The following GFPT2 variants were observed in gnomAD, a reference collection of about 807,000 sequenced individuals.
GFPT2 encodes glutamine--fructose-6-phosphate aminotransferase [isomerizing] 2.
GFPT2 carries 62 observed loss-of-function variants against 85.6 expected under a neutral mutation model. The observed-to-expected ratio is 0.72, with a 90% CI of 0.59 to 0.90. The LOEUF is 0.90. Ranked by LOEUF, GFPT2 falls within the 40% of genes least tolerant of loss-of-function variation. The probability of loss-of-function intolerance (pLI) is 0.00; values close to 1 mark genes in which losing one functional copy is unlikely to be tolerated. For missense variants in GFPT2, 788 were observed against 893.4 expected, an observed-to-expected ratio of 0.88 and a Z score of 1.50; for synonymous variants, 368 against 344.5, an observed-to-expected ratio of 1.07 and a Z score of -0.75.
Position 180,316,879 on chromosome 5 carries a change from A to G in GFPT2, c.1055-18T>C. On this transcript the variant is annotated intron_variant, in intron 11 of 18. Coordinates refer to ENST00000253778, the MANE Select transcript of GFPT2 (RefSeq NM_005110.4). ...CAGGAGCACTGCAGGGCACACGACA[A>G]GGCGTTAATGCTGAGTCTACACAGT... 1.9e-6 allele frequency: 3 copies of G among 1,598,262 alleles called. No homozygotes were observed. Among genetic ancestry groups the G allele is most frequent in the South Asian group, 2.2e-5 (2 of 90,780 alleles).
chr5:180,345,736 T>A lies in GFPT2; in HGVS notation c.8-7136A>T, dbSNP rs1473553002. Among the ~76,000 whole-genome samples the A allele has an allele frequency of 2.0e-5, 3 of 152,182 alleles. No homozygotes were observed. In the South Asian group the frequency reaches 6.2e-4, roughly 32 times the overall value. On this transcript the variant is annotated intron_variant, in intron 1 of 18. Transcript: ENST00000253778. ...ATCTTAGGTGCTCAATAAATCCATG[T>A]TGAGTGAATGAATGAACAGATGGAG...
chr5:180,302,567 C>T lies in GFPT2; in HGVS notation c.1860G>A (p.Leu620=), dbSNP rs753595969. 9 of 1,613,802 alleles carry T rather than the reference C, an allele frequency of 5.6e-6. No homozygotes were observed. Among genetic ancestry groups the T allele is most frequent in the South Asian group, 4.4e-5 (4 of 91,060 alleles). ...AACTTTCAGTATCGTCCTTGGAGCA[C>T]AGTATAATGGGGCGACCCTAGAGCA... ...VTARQGRPII[L]CSKDDTESSK... is the part of the protein sequence containing the mutation. The change falls in exon 18 of 19, where the codon CTG becomes CTA. Residue 620 remains leucine (L), a synonymous_variant. Coordinates refer to ENST00000253778, the MANE Select transcript of GFPT2 (RefSeq NM_005110.4).
chr5:180,344,170 A>C (rs1764567726), intron 1 of GFPT2, among the ~76,000 whole-genome samples: 1 of 152,198 alleles, frequency 6.6e-6, no homozygotes, highest in Admixed American at 6.5e-5. Context: ...TAAATCTCCA[A>C]GATGTGTCAA....
At chr5:180,337,304 T>G (rs1764420605) in intron 2 of GFPT2, among the ~76,000 whole-genome samples, 1 of 151,820 alleles carries the variant, frequency 6.6e-6, no homozygotes, top group Non-Finnish European at 1.5e-5. Context: ...AGTACAAAAA[T>G]TAGCAGGGTG....
chr5:180,336,934 C>T (rs367952822), intron 2 of GFPT2, among the ~76,000 whole-genome samples: 1 of 152,396 alleles, frequency 6.6e-6, no homozygotes, highest in African/African-American at 2.4e-5. Flanking sequence ...TGTGATATTT[C>T]GTTGGTATCT....
rs1763665651 is a variant in GFPT2, at chr5:180,301,194, ATAACT to A, written c.*365_*369del. On this transcript the variant is annotated 3_prime_UTR_variant, in exon 19 of 19. Coordinates refer to ENST00000253778, the MANE Select transcript of GFPT2 (RefSeq NM_005110.4). ...CTACAGAAAGCCACATACTAGAAAAATAACTTAAAAGCTATACAGTCGTCATTATA... is the reference window on the plus strand; with the variant it reads ...CTACAGAAAGCCACATACTAGAAAAATAAAAGCTATACAGTCGTCATTATA... The A allele has an allele frequency of 1.9e-5, 5 of 258,884 alleles. No homozygotes were observed. Among genetic ancestry groups the A allele is most frequent in the African/African-American group, 4.4e-5 (2 of 45,280 alleles). The allele number at this position is 258,884 out of a possible 1,614,324, so 16.0% of individuals were successfully genotyped here.
In GFPT2 at chr5:180,338,620, T is replaced by C; in HGVS notation, c.8-20A>G. ...AGATTCCTGTTCAAAGAGAAAAAAATGGTGCATTCATAAAATACTCAGCTC... is the reference window on the plus strand; with the variant it reads ...AGATTCCTGTTCAAAGAGAAAAAAACGGTGCATTCATAAAATACTCAGCTC... On this transcript the variant is annotated intron_variant, in intron 1 of 18. Transcript: ENST00000253778. The C allele has an allele frequency of 1.4e-6, 2 of 1,407,708 alleles. No homozygotes were observed. The highest frequency in any genetic ancestry group is 2.0e-6 in the Non-Finnish European group (2 of 994,426). The allele number at this position is 1,407,708 out of a possible 1,614,324, so 87.2% of individuals were successfully genotyped here.
At chr5:180,313,358 G>T (rs943951701) in intron 14 of GFPT2, among the ~76,000 whole-genome samples, 2 of 151,346 alleles carry the variant, frequency 1.3e-5, no homozygotes, top group African/African-American at 4.8e-5. Context: ...TTGGGAGGCC[G>T]AGGCGGGCGG....
chr5:180,328,408 G>A lies in GFPT2; in HGVS notation c.535-70C>T, dbSNP rs2127653284. On this transcript the variant is annotated intron_variant, in intron 6 of 18. Coordinates refer to ENST00000253778, the MANE Select transcript of GFPT2 (RefSeq NM_005110.4). This position sits in a 1 kb window ranked among gnomAD's most constrained non-coding sequence, Gnocchi z 5.4. The stretch of plus-strand genomic sequence containing the variant: ...CTGCTGCAGCCTGGCCACAGCCCAG[G>A]TGCGTCTCCCTGGGCCCCTCCTGAT... 8.0e-7 allele frequency: 1 copy of A among 1,257,254 alleles called. No homozygotes were observed. The highest frequency in any genetic ancestry group is 1.2e-5 in the South Asian group (1 of 83,924). 77.9% of individuals were successfully genotyped at this position (1,257,254 alleles called of 1,614,324 possible).
Position 180,323,281 on chromosome 5 carries a change from C to A in GFPT2, c.794+907G>T. Among the ~76,000 whole-genome samples the A allele has an allele frequency of 6.6e-6, 1 of 152,302 alleles. No individual in the cohort carries two copies. The highest frequency in any genetic ancestry group is 1.9e-4 in the East Asian group (1 of 5,180). On this transcript the variant is annotated intron_variant, in intron 9 of 18. Coordinates refer to ENST00000253778, the MANE Select transcript of GFPT2 (RefSeq NM_005110.4). This position sits in a 1 kb window ranked among gnomAD's most constrained non-coding sequence, Gnocchi z 4.0. ...TTGGGAAGCGCTGCCTTGACCTCAG[C>A]GTTAAGTATGATGCTGGCTGTGCGT...
chr5:180,302,324 T>A (rs1763691754), intron 18 of GFPT2, 99 bp downstream of exon 18: 2 of 831,340 alleles, frequency 2.4e-6, no homozygotes, highest in Admixed American at 2.6e-5. Context: ...AATAAAATTA[T>A]TTACTCTATG....
chr5:180,312,537 G>A lies in GFPT2; in HGVS notation c.1439C>T (p.Thr480Ile). ...CATCACCAGAGAGATGAACTGACTG[G>A]TATAAGCCTGTGCACAAAGAAGGAG... ...EIGVASTKAYTSQFISLVMFG... is the reference protein window; with the variant it reads ...EIGVASTKAYISQFISLVMFG... The change falls in exon 15 of 19, where the codon ACC becomes ATC. Residue 480 changes from threonine to isoleucine, a missense_variant. Physicochemically the swap from Thr to Ile is moderately conservative, Grantham distance 89 (BLOSUM62 -1). Coordinates refer to ENST00000253778, the MANE Select transcript of GFPT2 (RefSeq NM_005110.4). 1 of 1,553,098 alleles carries A rather than the reference G, an allele frequency of 6.4e-7. No homozygotes were observed. The highest frequency in any genetic ancestry group is 8.9e-7 in the Non-Finnish European group (1 of 1,124,614).
At chr5:180,304,530 C>T (rs1294926903) in intron 17 of GFPT2, among the ~76,000 whole-genome samples, 2 of 152,266 alleles carry the variant, frequency 1.3e-5, no homozygotes, top group Admixed American at 1.3e-4. Context: ...AGGCTAGGAT[C>T]TGGTGCTGCT....
At chr5:180,343,688 AAC>A (rs1425721520) in intron 1 of GFPT2, among the ~76,000 whole-genome samples, 3 of 152,262 alleles carry the variant, frequency 2.0e-5, no homozygotes, top group African/African-American at 4.8e-5. Context: ...TTAAAAATAA[AAC>A]ACAGAATAAA....
intron 9 of GFPT2, among the ~76,000 whole-genome samples, chr5:180,321,383 C>A (rs535538014): frequency 6.6e-6 from 1 of 152,314 alleles, no homozygotes; most frequent in African/African-American, 2.4e-5. Flanking sequence ...GTCATGTAAT[C>A]TAGTCATTAA....
At chr5:180,333,595 A>T (rs6870028) in intron 4 of GFPT2, among the ~76,000 whole-genome samples, 22,739 of 152,160 alleles carry the variant, frequency 0.15, 1,857 homozygotes, top group East Asian at 0.19. Context: ...ATCTCAGTCT[A>T]TGATCCTATC....
chr5:180,318,862 G>C lies in GFPT2; in HGVS notation c.889C>G (p.Arg297Gly). 1 of 1,613,930 alleles carries C rather than the reference G, an allele frequency of 6.2e-7. No homozygotes were observed. The highest frequency in any genetic ancestry group is 8.5e-7 in the Non-Finnish European group (1 of 1,179,906). ...CGAGATGGGTCATCACTGGCCGAGC[G>C]CTTGACCCGGTGAATGGAGAGTTTC... is the stretch of plus-strand genomic sequence containing the variant. ...DGKLSIHRVK[R>G]SASDDPSRAI... The change falls in exon 10 of 19, where the codon CGC becomes GGC. Residue 297 changes from arginine (R) to glycine (G), a missense_variant. Physicochemically the swap from Arg to Gly is moderately radical, Grantham distance 125. Coordinates refer to ENST00000253778, the MANE Select transcript of GFPT2 (RefSeq NM_005110.4). The surrounding 1 kb of genome is among the most constrained non-coding windows in gnomAD (Gnocchi z 4.2).
At chr5:180,325,667 CT>C (rs752083386) in intron 7 of GFPT2, among the ~76,000 whole-genome samples, 7 of 152,234 alleles carry the variant, frequency 4.6e-5, no homozygotes, top group Non-Finnish European at 1.0e-4. Flanking sequence ...AGCAGGGGAT[CT>C]TTAGGAAAGA....
intron 1 of GFPT2, among the ~76,000 whole-genome samples, chr5:180,342,247 A>T (rs1764530796): frequency 6.6e-6 from 1 of 152,162 alleles, no homozygotes; most frequent in Non-Finnish European, 1.5e-5. Context: ...CAGCAGCATG[A>T]AAATGGACTA....
Sources: allele counts gnomAD v4.1 joint callset (sites outside exome capture counted in the v4.1 genomes callset), GRCh38; gene constraint gnomAD v4.1.1; non-coding constraint Gnocchi (gnomAD v3.1); transcripts MANE v1.5; gene names NCBI Gene and HGNC (gene_info 2026-07-23, HGNC 2026-07-21).